FKBP5: variants seen among roughly 807,000 people sequenced by gnomAD.
FKBP5 encodes the protein FKBP prolyl isomerase 5.
FKBP5 carries 23 observed loss-of-function variants against 50.5 expected under a neutral mutation model. The ratio of observed to expected loss-of-function variants is 0.46; its 90% CI spans 0.33 to 0.65. FKBP5 has a LOEUF of 0.65. Among genes scored for constraint, FKBP5 ranks in the 30% least tolerant of loss-of-function variants. The pLI, the probability that FKBP5 is intolerant of heterozygous loss-of-function variation, is 0.02. For missense variants in FKBP5, 411 were observed against 553.1 expected, an observed-to-expected ratio of 0.74 and a Z score of 2.58; for synonymous variants, 176 against 190.6, an observed-to-expected ratio of 0.92 and a Z score of 0.63.
chr6:35,619,028 A>C (rs1326727540), intron 5 of FKBP5, 68 bp downstream of exon 5: 1 of 995,356 alleles, frequency 1.0e-6, no homozygotes, highest in Non-Finnish European at 1.6e-6. Flanking sequence ...TTTTTTTTTA[A>C]GTCTCCATTT....
At chr6:35,681,821 T>C (rs1765668661) in intron 1 of FKBP5, among the ~76,000 whole-genome samples, 1 of 152,166 alleles carries the variant, frequency 6.6e-6, no homozygotes, top group African/African-American at 2.4e-5. Flanking sequence ...AGATATTTGA[T>C]ATTTATACAT....
chr6:35,708,099 A>C (rs1360584614), intron 2 of FKBP5, among the ~76,000 whole-genome samples: 1 of 152,210 alleles, frequency 6.6e-6, no homozygotes, highest in Admixed American at 6.5e-5. Context: ...TTGACCTGAT[A>C]ATTCCACTTC....
chr6:35,642,651 C>A, intron 2 of FKBP5, 69 bp downstream of exon 2: 1 of 1,223,308 alleles, frequency 8.2e-7, no homozygotes, highest in Non-Finnish European at 1.2e-6. Context: ...CAGCCCCCCT[C>A]AGAAAGAGAT....
At chr6:35,688,170 G>A (rs1339622515) in intron 1 of FKBP5, among the ~76,000 whole-genome samples, 4 of 152,252 alleles carry the variant, frequency 2.6e-5, no homozygotes, top group African/African-American at 9.6e-5. Context: ...TTGTCCCGAG[G>A]CGGCAGGTGA....
At chr6:35,597,929 A>G (rs1039176269) in intron 5 of FKBP5, among the ~76,000 whole-genome samples, 2 of 152,252 alleles carry the variant, frequency 1.3e-5, no homozygotes, top group African/African-American at 4.8e-5. Context: ...ATATCTGAAT[A>G]AAAATGGTAA....
At chr6:35,650,460 T>A (rs778142547) in intron 1 of FKBP5, among the ~76,000 whole-genome samples, 7 of 151,310 alleles carry the variant, frequency 4.6e-5, no homozygotes, top group Non-Finnish European at 1.0e-4. Flanking sequence ...ACACAAACAG[T>A]GTAATTTATT....
At chr6:35,725,489 G>C (rs1766689313) in intron 1 of FKBP5, among the ~76,000 whole-genome samples, 1 of 152,144 alleles carries the variant, frequency 6.6e-6, no homozygotes, top group South Asian at 2.1e-4. Flanking sequence ...CAGTTTCAAG[G>C]CTGGGTGATG....
intron 2 of FKBP5, among the ~76,000 whole-genome samples, chr6:35,714,068 C>T (rs1766465304): frequency 6.6e-6 from 1 of 151,716 alleles, no homozygotes; most frequent in African/African-American, 2.4e-5. Flanking sequence ...GGCATAAAAC[C>T]ACAGGGCTTG....
At chr6:35,675,943 G>C (rs559617868) in intron 1 of FKBP5, among the ~76,000 whole-genome samples, 3 of 152,230 alleles carry the variant, frequency 2.0e-5, no homozygotes, top group African/African-American at 2.4e-5. Context: ...CTGTATAACA[G>C]AGTAGAAGGG....
intron 1 of FKBP5, among the ~76,000 whole-genome samples, chr6:35,671,919 A>G (rs1023693538): frequency 6.6e-6 from 1 of 151,626 alleles, no homozygotes; most frequent in Non-Finnish European, 1.5e-5. Flanking sequence ...TCTAGGCTGG[A>G]GTGCAGTGGC....
chr6:35,684,943 G>A (rs909937862), intron 1 of FKBP5, among the ~76,000 whole-genome samples: 2 of 152,092 alleles, frequency 1.3e-5, no homozygotes, highest in African/African-American at 2.4e-5. Context: ...GCTGAGGTGG[G>A]AGGATCACTT....
At position 35,574,800 on chromosome 6, in the gene FKBP5, A is replaced by C. The variant is rs1762164856; in HGVS notation, c.*1035T>G. 6.6e-6 allele frequency: 1 copy of C among 152,630 alleles called. No individual in the cohort carries two copies. Among genetic ancestry groups the C allele is most frequent in the Non-Finnish European group, 1.5e-5 (1 of 68,044 alleles). 9.5% of individuals were successfully genotyped at this position (152,630 alleles called of 1,614,324 possible). ...TAAAGTTCCATAAACCAGTATACAT[A>C]TGCTTATGAGCCAATAATCTTAAAA... On this transcript the variant is annotated 3_prime_UTR_variant, in exon 11 of 11. Coordinates refer to ENST00000357266, the MANE Select transcript of FKBP5 (RefSeq NM_004117.4).
rs1764766729 is a variant in FKBP5, at chr6:35,650,415, T to C, written c.-19-7572A>G. On this transcript the variant is annotated intron_variant, in intron 1 of 10. Transcript: ENST00000357266. ...TCTGGACCATTGAAAAAAAAAAAAG[T>C]CAGTTGATGATGCCACAATGGGCTA... Among the ~76,000 whole-genome samples, 7 of 150,046 alleles carry C rather than the reference T, an allele frequency of 4.7e-5. No individual in the cohort carries two copies. In the South Asian group the frequency reaches 1.5e-3, roughly 32 times the overall value.
chr6:35,657,107 C>A (rs1325504443), intron 1 of FKBP5, among the ~76,000 whole-genome samples: 1 of 150,864 alleles, frequency 6.6e-6, no homozygotes. Context: ...CCCAGCTACT[C>A]GGGAGGCTGA....
intron 8 of FKBP5, chr6:35,585,980 T>A (rs943071700): frequency 1.0e-6 from 1 of 985,034 alleles, no homozygotes; most frequent in African/African-American, 1.7e-5. Flanking sequence ...GCATGTCTTA[T>A]AGCAGATGCC....
intron 8 of FKBP5, chr6:35,580,494 G>A (rs1254782302): frequency 1.4e-5 from 4 of 293,730 alleles, no homozygotes; most frequent in African/African-American, 2.2e-5. Flanking sequence ...AAGGCTTCTG[G>A]GCTATGTTCT....
intron 5 of FKBP5, among the ~76,000 whole-genome samples, chr6:35,618,323 A>C (rs188518255): frequency 6.6e-6 from 1 of 152,334 alleles, no homozygotes; most frequent in East Asian, 1.9e-4. Context: ...TGACACGTAG[A>C]TGTTGAATTA....
chr6:35,709,910 T>C (rs1019868822), intron 2 of FKBP5, among the ~76,000 whole-genome samples: 2 of 151,012 alleles, frequency 1.3e-5, no homozygotes, highest in African/African-American at 4.9e-5. Flanking sequence ...TGTTTGTTCA[T>C]GGAGCTGATG....
intron 1 of FKBP5, among the ~76,000 whole-genome samples, chr6:35,662,642 C>T (rs985737598): frequency 1.3e-5 from 2 of 151,956 alleles, no homozygotes; most frequent in African/African-American, 4.8e-5. Flanking sequence ...TATTTGGTGC[C>T]ACTAGTAAGT....
Sources: allele counts gnomAD v4.1 joint callset (sites outside exome capture counted in the v4.1 genomes callset), GRCh38; gene constraint gnomAD v4.1.1; transcripts MANE v1.5; gene names NCBI Gene and HGNC (gene_info 2026-07-23, HGNC 2026-07-21).